The following PHKB variants were observed in gnomAD, a reference collection of about 807,000 sequenced individuals.
PHKB encodes phosphorylase b kinase regulatory subunit beta.
In PHKB, 122 loss-of-function variants were observed where a neutral mutation model predicts 152.1. The observed-to-expected ratio is 0.80, with a 90% CI of 0.69 to 0.93. The LOEUF is 0.93. PHKB is among the 40% of genes least tolerant of loss of function. The pLI, the probability that PHKB is intolerant of heterozygous loss-of-function variation, is 0.00. For missense variants in PHKB, 1,304 were observed against 1,328.4 expected (o/e 0.98, Z 0.29); for synonymous variants, 436 against 464.9 (o/e 0.94, Z 0.80).
Position 47,578,110 on chromosome 16 carries a change from C to T in PHKB, c.711-2185C>T, listed in dbSNP as rs565219544. On this transcript the variant is annotated intron_variant, in intron 7 of 30. Coordinates refer to ENST00000323584, the MANE Select transcript of PHKB (RefSeq NM_000293.3). ...CTGTCCTCATCATTCTGCTGTTGAG[C>T]CTATCTACTGAACTTTTTATTTACA... 1.8e-4 allele frequency among the ~76,000 whole-genome samples: 27 copies of T among 152,258 alleles called. 1 individual carries two copies. The East Asian group carries it at 4.1e-3, about 23-fold the overall frequency.
At position 47,596,356 on chromosome 16, in the gene PHKB, A is replaced by AT; in HGVS notation, c.1205-12dup. The AT allele has an allele frequency of 1.9e-6, 3 of 1,543,002 alleles. No individual in the cohort carries two copies. Among genetic ancestry groups the AT allele is most frequent in the Middle Eastern group, 3.4e-4 (2 of 5,912 alleles). On this transcript the variant is annotated splice_polypyrimidine_tract_variant and intron_variant, in intron 12 of 30. Transcript: ENST00000323584. The stretch of plus-strand genomic sequence containing the variant: ...CAGATTTGTTATATTTTAAATACTT[A>AT]TTTTTAAACTCCATAGGATATCCTG...
intron 1 of PHKB, among the ~76,000 whole-genome samples, chr16:47,461,836 G>A (rs1471433371): frequency 2.0e-5 from 3 of 152,190 alleles, no homozygotes; most frequent in Non-Finnish European, 2.9e-5. Flanking sequence ...ATGTAACTAC[G>A]ATCTGGCTGC....
intron 30 of PHKB, 165 bp from the exon 31 acceptor site, chr16:47,699,064 T>A (rs947977138): frequency 4.5e-6 from 3 of 671,370 alleles, no homozygotes; most frequent in East Asian, 5.5e-5. Context: ...CTGTCTTTGT[T>A]TTATATACAC....
Position 47,649,120 on chromosome 16 carries a change from G to C in PHKB, c.1713G>C (p.Lys571Asn). Residue 571 changes from lysine (K) to asparagine (N), a missense_variant, in exon 18 of 31, where the codon AAG (lysine) becomes AAC (asparagine). Transcript: ENST00000323584. Reference sequence around the variant, plus strand: ...TACAGATTTATCGCATTCTAGGAAAGACTGTGGTTTGTTACCCGATTATTT... The same window carrying C: ...TACAGATTTATCGCATTCTAGGAAACACTGTGGTTTGTTACCCGATTATTT... ...GTSKIYRILG[K>N]TVVCYPIIFD... is the part of the protein sequence containing the mutation. 6.2e-7 allele frequency: 1 copy of C among 1,603,206 alleles called. No homozygotes were observed. The highest frequency in any genetic ancestry group is 8.5e-7 in the Non-Finnish European group (1 of 1,170,094).
At chr16:47,678,090 G>A (rs1238891391) in intron 26 of PHKB, among the ~76,000 whole-genome samples, 1 of 151,904 alleles carries the variant, frequency 6.6e-6, no homozygotes, top group East Asian at 1.9e-4. Flanking sequence ...CCCTACAAAG[G>A]ACCTGAACTC....
intron 26 of PHKB, among the ~76,000 whole-genome samples, chr16:47,670,423 C>T (rs991103627): frequency 6.6e-6 from 1 of 152,152 alleles, no homozygotes; most frequent in Admixed American, 6.6e-5. Flanking sequence ...CTCTTAATTT[C>T]TCATTATAAT....
chr16:47,651,000 C>A, intron 20 of PHKB, 79 bp downstream of exon 20: 1 of 1,028,954 alleles, frequency 9.7e-7, no homozygotes, highest in South Asian at 1.3e-5. Context: ...AATGTATGGT[C>A]TATTTAAGGT....
At position 47,488,283 on chromosome 16, in the gene PHKB, G is replaced by A. The variant is rs963274087; in HGVS notation, c.77-9116G>A. On this transcript the variant is annotated intron_variant, in intron 1 of 30. Coordinates refer to ENST00000323584, the MANE Select transcript of PHKB (RefSeq NM_000293.3). The stretch of plus-strand genomic sequence containing the variant: ...ATGTCCTTTGCCCATTTTTTAATAG[G>A]GTTGTTTAGTTTTTGCTTATTAATT... Among the ~76,000 whole-genome samples, 9 of 152,108 alleles carry A rather than the reference G, an allele frequency of 5.9e-5. No homozygotes were observed. In the East Asian group the frequency reaches 1.5e-3, roughly 26 times the overall value.
intron 13 of PHKB, chr16:47,599,089 A>G (rs979884260): frequency 3.5e-6 from 2 of 568,024 alleles, no homozygotes; most frequent in Admixed American, 6.6e-5. Context: ...TTAGAATGTT[A>G]TTTCCGTCTC....
At position 47,649,187 on chromosome 16, in the gene PHKB, C is replaced by A; in HGVS notation, c.1780C>A (p.Leu594Met). ...CTACATGTCTCAGGATGTTTTCCTG[C>A]TGATAGATGACATAAAGGTAGCTTC... is the stretch of plus-strand genomic sequence containing the variant. Reference protein sequence around the residue: ...DFYMSQDVFLLIDDIKNALQF... With the variant: ...DFYMSQDVFLMIDDIKNALQF... Residue 594 changes from leucine to methionine, a missense_variant, in exon 18 of 31, where the codon CTG becomes ATG. Leu to Met is a conservative substitution (Grantham distance 15, BLOSUM62 2). Coordinates refer to ENST00000323584, the MANE Select transcript of PHKB (RefSeq NM_000293.3). 6.3e-7 allele frequency: 1 copy of A among 1,584,226 alleles called. No homozygotes were observed. The highest frequency in any genetic ancestry group is 8.7e-7 in the Non-Finnish European group (1 of 1,152,808).
intron 13 of PHKB, among the ~76,000 whole-genome samples, chr16:47,598,358 T>G (rs1482398836): frequency 6.6e-6 from 1 of 152,206 alleles, no homozygotes; most frequent in Non-Finnish European, 1.5e-5. Flanking sequence ...TACTTTTTGA[T>G]TATGGTCTCT....
At chr16:47,554,982 GACTTTTA>G (rs1329899626) in intron 7 of PHKB, among the ~76,000 whole-genome samples, 1 of 152,134 alleles carries the variant, frequency 6.6e-6, no homozygotes, top group Non-Finnish European at 1.5e-5. Flanking sequence ...CCAGACTCCT[GACTTTTA>G]GCTTTTTAAA....
intron 13 of PHKB, among the ~76,000 whole-genome samples, chr16:47,608,491 GGTTTGAGGCCAAGA>G (rs1972368346): frequency 6.6e-6 from 1 of 152,176 alleles, no homozygotes; most frequent in African/African-American, 2.4e-5. Context: ...TGGAGGCTGA[GGTTTGAGGCCAAGA>G]GTTTGAGACC....
At chr16:47,513,440 C>G (rs926925124) in intron 5 of PHKB, among the ~76,000 whole-genome samples, 1 of 152,168 alleles carries the variant, frequency 6.6e-6, no homozygotes, top group African/African-American at 2.4e-5. Context: ...TCTAAAAAAC[C>G]TAAAAGATGC....
intron 14 of PHKB, among the ~76,000 whole-genome samples, chr16:47,631,223 A>G (rs1195263551): frequency 1.3e-5 from 2 of 152,210 alleles, no homozygotes; most frequent in Non-Finnish European, 2.9e-5. Flanking sequence ...GTACTGTGAC[A>G]TGTGCCATAT....
At chr16:47,522,774 C>T (rs1158870383) in intron 6 of PHKB, among the ~76,000 whole-genome samples, 1 of 151,656 alleles carries the variant, frequency 6.6e-6, no homozygotes, top group African/African-American at 2.4e-5. Context: ...TGATTTCTCT[C>T]GTGAGTTTTT....
At chr16:47,510,999 A>G (rs367722816) in intron 4 of PHKB, among the ~76,000 whole-genome samples, 17 of 152,294 alleles carry the variant, frequency 1.1e-4, no homozygotes, top group Admixed American at 6.5e-4. Context: ...GCCGTAAAGA[A>G]ATGGGTGGAT....
intron 25 of PHKB, 77 bp downstream of exon 25, chr16:47,665,052 C>T (rs1973514450): frequency 1.1e-6 from 1 of 908,224 alleles, no homozygotes. Flanking sequence ...TTAAATATGT[C>T]TTTTGGTCTT....
chr16:47,584,913 T>C (rs1216573952), intron 8 of PHKB, among the ~76,000 whole-genome samples: 2 of 152,218 alleles, frequency 1.3e-5, no homozygotes, highest in African/African-American at 4.8e-5. Flanking sequence ...TTCTTTTTAA[T>C]TGAGACCAGT....
Sources: allele counts gnomAD v4.1 joint callset (sites outside exome capture counted in the v4.1 genomes callset), GRCh38; gene constraint gnomAD v4.1.1; transcripts MANE v1.5; gene names NCBI Gene and HGNC (gene_info 2026-07-23, HGNC 2026-07-21).